AK7: variants seen among roughly 807,000 people sequenced by gnomAD.
The protein encoded by AK7 is ATP-AMP transphosphorylase 7.
AK7 carries 78 observed loss-of-function variants against 96.6 expected under a neutral mutation model. That is an observed-to-expected ratio of 0.81 (90% confidence interval 0.67 to 0.97). The LOEUF (loss-of-function observed/expected upper bound fraction) is 0.97. Ranked by LOEUF, AK7 falls within the 50% of genes least tolerant of loss-of-function variation. AK7 has a pLI of 0.00. For missense variants in AK7, 855 were observed against 887.9 expected (o/e 0.96, Z 0.47); for synonymous variants, 302 against 317.2 (o/e 0.95, Z 0.51).
rs746396772 is a variant in AK7 at position 96,398,213 on chromosome 14, C to T, written c.244C>T (p.Leu82=). 1.2e-6 allele frequency: 2 copies of T among 1,613,766 alleles called. No individual in the cohort carries two copies. Among genetic ancestry groups the T allele is most frequent in the African/African-American group, 2.7e-5 (2 of 74,924 alleles). Residue 82 remains leucine (L), a synonymous_variant, in exon 2 of 18, where the codon CTG becomes TTG. Coordinates refer to ENST00000267584, the MANE Select transcript of AK7 (RefSeq NM_152327.5). Reference sequence around the variant, plus strand: ...AGGCACATTCCAGATTGTGGGCACGCTGTCCAAGCCTGACAGCCCGCGGCC... The same window carrying T: ...AGGCACATTCCAGATTGTGGGCACGTTGTCCAAGCCTGACAGCCCGCGGCC... ...KEGTFQIVGT[L]SKPDSPRPDF...
intron 4 of AK7, among the ~76,000 whole-genome samples, chr14:96,419,554 A>G (rs979873914): frequency 2.6e-5 from 4 of 152,078 alleles, no homozygotes; most frequent in Admixed American, 6.6e-5. Context: ...GGATCACTTG[A>G]ATCCAGGATT....
intron 10 of AK7, 102 bp from the exon 11 acceptor site, chr14:96,456,245 A>G: frequency 1.1e-6 from 1 of 882,780 alleles, no homozygotes; most frequent in African/African-American, 1.8e-5. Context: ...TCTCAAAAAA[A>G]AAAAAAAAAA....
chr14:96,450,567 AAC>A (rs1893535506), intron 9 of AK7, among the ~76,000 whole-genome samples: 1 of 98,460 alleles, frequency 1.0e-5, no homozygotes, highest in Non-Finnish European at 2.1e-5. Flanking sequence ...ATTCCATCAC[AAC>A]AAAAAAAAAA....
intron 2 of AK7, among the ~76,000 whole-genome samples, chr14:96,402,133 C>A (rs1890444108): frequency 6.6e-6 from 1 of 151,196 alleles, no homozygotes; most frequent in Admixed American, 6.6e-5. Context: ...CTACATTAGA[C>A]CATAATTATT....
intron 3 of AK7, among the ~76,000 whole-genome samples, chr14:96,407,496 A>G (rs939883497): frequency 3.3e-5 from 5 of 151,964 alleles, no homozygotes; most frequent in African/African-American, 1.2e-4. Flanking sequence ...CTAAAATCAT[A>G]CCATGGCAGC....
chr14:96,398,122 G>A lies in AK7; in HGVS notation c.153G>A (p.Glu51=), dbSNP rs1164117593. Residue 51 remains glutamate, a synonymous_variant, in exon 2 of 18, where the codon GAG becomes GAA. Transcript: ENST00000267584. Reference sequence around the variant, plus strand: ...GGGCTTCGCTTGAAGAAATTACAGAGGAAGAGGAAGAGGAAGATGAAAATA... The same window carrying A: ...GGGCTTCGCTTGAAGAAATTACAGAAGAAGAGGAAGAGGAAGATGAAAATA... ...VVGASLEEIT[E]EEEEEDENKS... The A allele has an allele frequency of 2.5e-6, 4 of 1,612,186 alleles. No homozygotes were observed. The African/African-American group carries it at 5.3e-5, about 22-fold the overall frequency.
At chr14:96,403,694 C>T (rs1890544960) in intron 2 of AK7, among the ~76,000 whole-genome samples, 1 of 152,100 alleles carries the variant, frequency 6.6e-6, no homozygotes, top group Admixed American at 6.6e-5. Context: ...CAAGGAACTG[C>T]GGAAAATAGC....
At chr14:96,419,858 G>A (rs1045764953) in intron 4 of AK7, among the ~76,000 whole-genome samples, 2 of 135,486 alleles carry the variant, frequency 1.5e-5, no homozygotes, top group African/African-American at 5.7e-5. Flanking sequence ...GCGCGATTTC[G>A]GCTCACTGCA....
intron 11 of AK7, 52 bp from the exon 12 acceptor site, chr14:96,458,031 T>C: frequency 6.3e-7 from 1 of 1,595,334 alleles, no homozygotes; most frequent in South Asian, 1.1e-5. Flanking sequence ...GATTTGTGAA[T>C]AGCAAATGGA....
rs1241738797 is a variant in AK7, at chr14:96,488,549, A to G, written c.*206A>G. ...ATTTGAAATGTAAATTGATAAAGAC[A>G]TTTGTGCATAGCTCATGAGACAAAT... is the stretch of plus-strand genomic sequence containing the variant. On this transcript the variant is annotated 3_prime_UTR_variant, in exon 18 of 18. Coordinates refer to ENST00000267584, the MANE Select transcript of AK7 (RefSeq NM_152327.5). 2 of 498,944 alleles carry G rather than the reference A, an allele frequency of 4.0e-6. No homozygotes were observed. Among genetic ancestry groups the G allele is most frequent in the Non-Finnish European group, 7.2e-6 (2 of 278,486 alleles). 30.9% of individuals were successfully genotyped at this position (498,944 alleles called of 1,614,324 possible).
At chr14:96,449,209 T>A (rs75459788) in intron 8 of AK7, among the ~76,000 whole-genome samples, 2 of 152,078 alleles carry the variant, frequency 1.3e-5, no homozygotes, top group East Asian at 3.9e-4. Flanking sequence ...AACATGTAAA[T>A]TCTGTGGGAC....
At chr14:96,466,930 C>T (rs1894598446) in intron 12 of AK7, among the ~76,000 whole-genome samples, 1 of 150,384 alleles carries the variant, frequency 6.6e-6, no homozygotes, top group Non-Finnish European at 1.5e-5. Context: ...CTATAATGAA[C>T]CTAAAGTCTC....
chr14:96,444,896 T>G lies in AK7; in HGVS notation c.780-1621T>G, dbSNP rs540946546. On this transcript the variant is annotated intron_variant, in intron 7 of 17. Transcript: ENST00000267584. ...CCACGCCTGGCTATTTTTTGTATTT[T>G]TAGTAGAGACAGGGTTTCACCATGT... Among the ~76,000 whole-genome samples the G allele has an allele frequency of 1.2e-3, 179 of 152,230 alleles. 1 individual carries two copies. Among genetic ancestry groups the G allele is most frequent in the Non-Finnish European group, 1.6e-3 (109 of 68,006 alleles).
At chr14:96,455,273 G>T (rs1001115461) in intron 10 of AK7, among the ~76,000 whole-genome samples, 1 of 152,060 alleles carries the variant, frequency 6.6e-6, no homozygotes, top group African/African-American at 2.4e-5. Flanking sequence ...TTCCTTGAGT[G>T]CAGGAGTTTG....
chr14:96,448,771 C>A (rs1433041347), intron 8 of AK7, among the ~76,000 whole-genome samples: 1 of 151,004 alleles, frequency 6.6e-6, no homozygotes, highest in African/African-American at 2.4e-5. Flanking sequence ...GCCTAGCCAT[C>A]ATGGTGAAAA....
Position 96,398,148 on chromosome 14 carries a change from A to G in AK7, c.179A>G (p.Lys60Arg), listed in dbSNP as rs759996111. ...GAAGAGGAAGAGGAAGATGAAAATA[A>G]GTCAGCTATGCTGGAAGCTTCCTCA... is the stretch of plus-strand genomic sequence containing the variant. ...TEEEEEEDEN[K>R]SAMLEASSTK... Residue 60 changes from lysine (K) to arginine (R), a missense_variant, in exon 2 of 18, where the codon AAG becomes AGG. Physicochemically the swap from Lys to Arg is conservative, Grantham distance 26. Transcript: ENST00000267584. The G allele has an allele frequency of 1.2e-6, 2 of 1,614,192 alleles. No individual in the cohort carries two copies. The highest frequency in any genetic ancestry group is 1.7e-6 in the Non-Finnish European group (2 of 1,180,032).
intron 4 of AK7, among the ~76,000 whole-genome samples, chr14:96,411,867 C>T (rs1444428394): frequency 6.6e-6 from 1 of 152,178 alleles, no homozygotes; most frequent in Non-Finnish European, 1.5e-5. Context: ...AGAAAGAAGA[C>T]ATGTTAGAAA....
At chr14:96,412,077 G>A (rs117943019) in intron 4 of AK7, among the ~76,000 whole-genome samples, 1 of 152,148 alleles carries the variant, frequency 6.6e-6, no homozygotes, top group African/African-American at 2.4e-5. Context: ...CCAAAGAAGG[G>A]TTTCCTCTGC....
At chr14:96,483,823 T>C (rs78894371) in intron 16 of AK7, among the ~76,000 whole-genome samples, 12 of 152,278 alleles carry the variant, frequency 7.9e-5, no homozygotes, top group Non-Finnish European at 1.0e-4. Context: ...GACCTCATGA[T>C]TTGATTTGAT....
Sources: gnomAD v4.1 joint callset for allele counts (sites outside exome capture counted in the v4.1 genomes callset) on GRCh38, gnomAD v4.1.1 for gene constraint, MANE v1.5 for transcripts, NCBI Gene and HGNC (gene_info 2026-07-23, HGNC 2026-07-21) for gene names.